HTR1F: variants seen among roughly 807,000 people sequenced by gnomAD.
HTR1F encodes 5-hydroxytryptamine receptor 1F, also known as 5-hydroxytryptamine (serotonin) receptor 1F, G protein-coupled.
A neutral mutation model predicts 24.0 loss-of-function variants in HTR1F; 17 were observed. The observed-to-expected ratio is 0.71, with a 90% CI of 0.48 to 1.06. The LOEUF (loss-of-function observed/expected upper bound fraction) is 1.06, where lower values mean the gene tolerates loss of function less well. HTR1F is among the 50% of genes least tolerant of loss of function. The pLI is 0.00. For missense variants in HTR1F, 391 were observed against 427.8 expected, an observed-to-expected ratio of 0.91 and a Z score of 0.76; for synonymous variants, 186 against 156.8, an observed-to-expected ratio of 1.19 and a Z score of -1.39.
chr3:87,805,991 A>G (rs1458825297), intron 1 of HTR1F, among the ~76,000 whole-genome samples: 2 of 152,106 alleles, frequency 1.3e-5, no homozygotes, highest in Non-Finnish European at 2.9e-5. Flanking sequence ...TAGCTCACAA[A>G]TATGAGTAAG....
chr3:87,936,018 T>G (rs1470571865), intron 2 of HTR1F, among the ~76,000 whole-genome samples: 7 of 152,154 alleles, frequency 4.6e-5, no homozygotes. Flanking sequence ...ATCTGGCTAA[T>G]TTTTCTATAT....
chr3:87,910,030 T>C (rs1391308881), intron 2 of HTR1F, among the ~76,000 whole-genome samples: 2 of 152,068 alleles, frequency 1.3e-5, no homozygotes, highest in Non-Finnish European at 2.9e-5. Context: ...TTCTATCCTA[T>C]GTTGTCTATA....
chr3:87,812,382 A>G (rs1353670459), intron 1 of HTR1F, among the ~76,000 whole-genome samples: 2 of 152,150 alleles, frequency 1.3e-5, no homozygotes, highest in African/African-American at 2.4e-5. Flanking sequence ...AAGTGGAGCA[A>G]AGGTCACGCT....
chr3:87,928,848 G>T (rs947923705), intron 2 of HTR1F, among the ~76,000 whole-genome samples: 2 of 152,112 alleles, frequency 1.3e-5, no homozygotes, highest in African/African-American at 2.4e-5. Flanking sequence ...GTGTGTAAGG[G>T]TACAACATTT....
intron 2 of HTR1F, among the ~76,000 whole-genome samples, chr3:87,831,963 A>G (rs915459207): frequency 5.9e-5 from 9 of 152,312 alleles, no homozygotes; most frequent in Non-Finnish European, 1.0e-4. Context: ...GCCATGCACT[A>G]TTATTACTAT....
intron 2 of HTR1F, among the ~76,000 whole-genome samples, chr3:87,859,201 A>G (rs1297442867): frequency 6.6e-6 from 1 of 152,194 alleles, no homozygotes; most frequent in Non-Finnish European, 1.5e-5. Flanking sequence ...TCTGTGTCAA[A>G]AAAGGAAGTT....
chr3:87,850,876 T>A (rs1705071153), intron 2 of HTR1F, among the ~76,000 whole-genome samples: 1 of 151,436 alleles, frequency 6.6e-6, no homozygotes, highest in Non-Finnish European at 1.5e-5. Context: ...TATTGCTCTC[T>A]TCTGGAATTA....
At chr3:87,819,554 T>A (rs1704314444) in intron 1 of HTR1F, among the ~76,000 whole-genome samples, 1 of 152,064 alleles carries the variant, frequency 6.6e-6, no homozygotes, top group African/African-American at 2.4e-5. Context: ...TTGGATATCA[T>A]CATTATGCTA....
At chr3:87,865,112 G>C (rs940184816) in intron 2 of HTR1F, among the ~76,000 whole-genome samples, 1 of 151,964 alleles carries the variant, frequency 6.6e-6, no homozygotes, top group Non-Finnish European at 1.5e-5. Flanking sequence ...GAGTTATTTA[G>C]TCATACAGAA....
At chr3:87,806,486 T>A (rs1278954059) in intron 1 of HTR1F, among the ~76,000 whole-genome samples, 1 of 152,034 alleles carries the variant, frequency 6.6e-6, no homozygotes, top group Non-Finnish European at 1.5e-5. Flanking sequence ...CCCTTGTCCT[T>A]TGCCCACTTT....
intron 2 of HTR1F, among the ~76,000 whole-genome samples, chr3:87,922,945 A>T (rs1704042722): frequency 6.7e-6 from 1 of 149,924 alleles, no homozygotes; most frequent in Non-Finnish European, 1.5e-5. Context: ...GTTAATTTTT[A>T]TATATAGGGA....
chr3:87,917,400 T>C (rs533093401), intron 2 of HTR1F, among the ~76,000 whole-genome samples: 6 of 133,310 alleles, frequency 4.5e-5, no homozygotes, highest in Non-Finnish European at 8.2e-5. Flanking sequence ...AAAAAAAAAA[T>C]ACAAAAGTTA....
chr3:87,948,025 T>C (rs1322022763), intron 2 of HTR1F, among the ~76,000 whole-genome samples: 4 of 152,132 alleles, frequency 2.6e-5, no homozygotes, highest in Non-Finnish European at 5.9e-5. Context: ...AAAAATCCTA[T>C]CTAATATTAC....
chr3:87,819,774 C>T (rs1295890062), intron 1 of HTR1F, among the ~76,000 whole-genome samples: 1 of 151,668 alleles, frequency 6.6e-6, no homozygotes, highest in Non-Finnish European at 1.5e-5. Flanking sequence ...CTAATAGGGG[C>T]AAAAACATTT....
chr3:87,793,038 C>G (rs1703842368), intron 1 of HTR1F, among the ~76,000 whole-genome samples, 196 bp downstream of exon 1: 1 of 152,240 alleles, frequency 6.6e-6, no homozygotes, highest in Non-Finnish European at 1.5e-5. Context: ...AAGAATTGCC[C>G]TTTCCCTTTT....
At chr3:87,812,426 TG>T (rs1334854081) in intron 1 of HTR1F, among the ~76,000 whole-genome samples, 1 of 21,108 alleles carries the variant, frequency 4.7e-5, no homozygotes, top group East Asian at 1.5e-3. Flanking sequence ...AGTGGAATTT[TG>T]CCCCTGCCCT....
chr3:87,858,945 C>G (rs1705258070), intron 2 of HTR1F, among the ~76,000 whole-genome samples: 1 of 152,132 alleles, frequency 6.6e-6, no homozygotes, highest in South Asian at 2.1e-4. Context: ...CCTGTAATCC[C>G]AGCACCTTGG....
At chr3:87,840,877 A>G (rs1405432590) in intron 2 of HTR1F, among the ~76,000 whole-genome samples, 1 of 151,058 alleles carries the variant, frequency 6.6e-6, no homozygotes, top group African/African-American at 2.5e-5. Context: ...GAATATAAAA[A>G]CATTGAACTC....
chr3:87,990,588 T>G, intron 2 of HTR1F, 120 bp from the exon 3 acceptor site: 1 of 551,736 alleles, frequency 1.8e-6, no homozygotes, highest in Non-Finnish European at 3.1e-6. Context: ...GAACCTCATT[T>G]TTTTAATCTA....
Sources: allele counts gnomAD v4.1 joint callset (sites outside exome capture counted in the v4.1 genomes callset), GRCh38; gene constraint gnomAD v4.1.1; transcripts MANE v1.5; gene names NCBI Gene and HGNC (gene_info 2026-07-23, HGNC 2026-07-21).